The following MYO10 variants were observed in gnomAD, a reference collection of about 807,000 sequenced individuals.
MYO10 encodes the protein unconventional myosin-X.
MYO10 carries 133 observed loss-of-function variants against 257.3 expected under a neutral mutation model. That is an observed-to-expected ratio of 0.52 (90% CI 0.45 to 0.60). The LOEUF (loss-of-function observed/expected upper bound fraction) is 0.60, where lower values mean the gene tolerates loss of function less well. Among genes scored for constraint, MYO10 ranks in the 20% least tolerant of loss-of-function variants. The pLI is 0.00. For synonymous variants in MYO10, 1,104 were observed against 1,028.6 expected (o/e 1.07, Z -1.40); for missense variants, 2,399 against 2,635.7 (o/e 0.91, Z 1.97).
chr5:16,842,132 T>C (rs1349382521), intron 2 of MYO10, among the ~76,000 whole-genome samples: 2 of 152,178 alleles, frequency 1.3e-5, no homozygotes, highest in Admixed American at 1.3e-4. Context: ...GAACCCTTTA[T>C]ATGTATAAGC....
intron 1 of MYO10, among the ~76,000 whole-genome samples, chr5:16,922,818 C>A (rs1287379481): frequency 6.6e-6 from 1 of 152,082 alleles, no homozygotes; most frequent in Non-Finnish European, 1.5e-5. Context: ...ATAGCTTGGG[C>A]CCAGGAGTTC....
chr5:16,724,704 T>C (rs959213428), intron 19 of MYO10, among the ~76,000 whole-genome samples: 1 of 152,050 alleles, frequency 6.6e-6, no homozygotes, highest in African/African-American at 2.4e-5. Context: ...TACAGCCATC[T>C]CTTTTTCCCC....
At position 16,673,716 on chromosome 5, in the gene MYO10, T is replaced by C. The variant is rs768071979; in HGVS notation, c.5138A>G (p.Lys1713Arg). 6.2e-6 allele frequency: 10 copies of C among 1,613,816 alleles called. No individual in the cohort carries two copies. The highest frequency in any genetic ancestry group is 8.5e-6 in the Non-Finnish European group (10 of 1,179,880). Residue 1713 changes from lysine (K) to arginine (R), a missense_variant, in exon 36 of 41, where the codon AAG (lysine) becomes AGG (arginine). Around this residue, in one of 3 missense-constraint regions of MYO10, gnomAD observed 1,820 missense variants for 1,939.4 expected, o/e 0.94. Coordinates refer to ENST00000513610, the MANE Select transcript of MYO10 (RefSeq NM_012334.3). Reference protein sequence around the residue: ...TVYCHGGGSCKITINSHTTAG... With the variant: ...TVYCHGGGSCRITINSHTTAG... ...GGTGGTGTGGGAGTTGATGGTGATC[T>C]TGCAGGAGCCGCCGCCATGGCAATA...
intron 1 of MYO10, among the ~76,000 whole-genome samples, chr5:16,912,852 T>C (rs570626521): frequency 4.6e-5 from 4 of 86,254 alleles, no homozygotes; most frequent in African/African-American, 9.1e-5. Flanking sequence ...ACACACACCA[T>C]GGTACCTCCA....
At chr5:16,691,415 A>G (rs42566) in intron 27 of MYO10, among the ~76,000 whole-genome samples, 26,331 of 150,462 alleles carry the variant, frequency 0.18, 2,628 homozygotes, top group East Asian at 0.3. Flanking sequence ...AATCAAGATC[A>G]GGGCCGGGCG....
chr5:16,837,257 C>A (rs1429258161), intron 2 of MYO10, among the ~76,000 whole-genome samples: 1 of 152,078 alleles, frequency 6.6e-6, no homozygotes, highest in South Asian at 2.1e-4. Context: ...TTGCGGTGAG[C>A]CAAGATCACA....
At chr5:16,879,634 C>T (rs1744703369) in intron 1 of MYO10, among the ~76,000 whole-genome samples, 2 of 152,200 alleles carry the variant, frequency 1.3e-5, no homozygotes, top group Non-Finnish European at 2.9e-5. Flanking sequence ...AAATTCCTAA[C>T]CCCATGCTCT....
At chr5:16,761,852 T>C (rs1740722346) in intron 16 of MYO10, among the ~76,000 whole-genome samples, 193 bp downstream of exon 16, 1 of 151,968 alleles carries the variant, frequency 6.6e-6, no homozygotes, top group Admixed American at 6.6e-5. Context: ...TTTTTATATC[T>C]ATGTTGCCCA....
intron 19 of MYO10, among the ~76,000 whole-genome samples, chr5:16,726,142 G>A (rs1561211839): frequency 6.6e-6 from 1 of 152,148 alleles, no homozygotes; most frequent in East Asian, 1.9e-4. Context: ...CCCCTAGAGT[G>A]CAGTAGCACA....
At chr5:16,919,251 G>A (rs539469253) in intron 1 of MYO10, among the ~76,000 whole-genome samples, 14 of 152,090 alleles carry the variant, frequency 9.2e-5, no homozygotes, top group South Asian at 2.1e-4. Flanking sequence ...GGTGGCAGGC[G>A]CCTGTAATTC....
chr5:16,785,598 T>C (rs1741555199), intron 4 of MYO10, among the ~76,000 whole-genome samples: 1 of 152,198 alleles, frequency 6.6e-6, no homozygotes, highest in African/African-American at 2.4e-5. Context: ...GGCCGGGCAC[T>C]GTGGCTTGCG....
intron 1 of MYO10, among the ~76,000 whole-genome samples, chr5:16,909,920 G>A (rs951673829): frequency 5.3e-5 from 8 of 152,182 alleles, no homozygotes; most frequent in East Asian, 3.9e-4. Flanking sequence ...CTCTCTCACC[G>A]TGTGATCTGC....
rs760606957 is a variant in MYO10 at position 16,710,964 on chromosome 5, T to A, written c.2113A>T (p.Ser705Cys). The A allele has an allele frequency of 6.2e-7, 1 of 1,613,944 alleles. No homozygotes were observed. The highest frequency in any genetic ancestry group is 1.1e-5 in the South Asian group (1 of 91,062). The change falls in exon 21 of 41, where the codon AGC becomes TGC. Residue 705 changes from serine (S) to cysteine (C), a missense_variant. Around this residue, in one of 3 missense-constraint regions of MYO10, gnomAD observed 1,820 missense variants for 1,939.4 expected, o/e 0.94. Coordinates refer to ENST00000513610, the MANE Select transcript of MYO10 (RefSeq NM_012334.3). ...LPEDVRGKCT[S>C]LLQLYDASNS... Reference sequence around the variant, plus strand: ...GAGGCATCATAGAGCTGCAGCAGGCTCGTGCACTTCCCTCGGACGTCCTCA... The same window carrying A: ...GAGGCATCATAGAGCTGCAGCAGGCACGTGCACTTCCCTCGGACGTCCTCA...
At chr5:16,738,345 C>T (rs1739887336) in intron 19 of MYO10, 1 of 985,362 alleles carries the variant, frequency 1.0e-6, no homozygotes, top group Non-Finnish European at 1.2e-6. Context: ...CAGAGAGAAA[C>T]TGTGCTGGCT....
chr5:16,685,020 T>C (rs933030851), intron 29 of MYO10, among the ~76,000 whole-genome samples: 9 of 151,706 alleles, frequency 5.9e-5, no homozygotes, highest in African/African-American at 2.2e-4. Flanking sequence ...CACTTCAGCC[T>C]GGGTGACAGA....
At position 16,799,045 on chromosome 5, in the gene MYO10, T is replaced by G. The variant is rs73756278; in HGVS notation, c.280-4212A>C. On this transcript the variant is annotated intron_variant, in intron 3 of 40. Coordinates refer to ENST00000513610, the MANE Select transcript of MYO10 (RefSeq NM_012334.3). ...CCCATTCATGACACGTTTGTATGGT[T>G]GCTGTAAAATTCTAAGATGAGCCTT... is the stretch of plus-strand genomic sequence containing the variant. Among the ~76,000 whole-genome samples, 1,076 of 152,348 alleles carry G rather than the reference T, an allele frequency of 7.1e-3. 10 individuals are homozygous for G. The highest frequency in any genetic ancestry group is 0.025 in the African/African-American group (1,032 of 41,582).
At chr5:16,904,102 G>A (rs1476850621) in intron 1 of MYO10, among the ~76,000 whole-genome samples, 2 of 136,088 alleles carry the variant, frequency 1.5e-5, no homozygotes, top group African/African-American at 6.6e-5. Context: ...AGGTTGACCA[G>A]TAACCAGTGA....
At chr5:16,914,525 C>T (rs903613122) in intron 1 of MYO10, among the ~76,000 whole-genome samples, 5 of 152,200 alleles carry the variant, frequency 3.3e-5, no homozygotes, top group Admixed American at 3.3e-4. Flanking sequence ...ATTCTGCAGA[C>T]CTGTTCTTTC....
In MYO10 at chr5:16,867,298, G is replaced by A. The variant is rs925373786; in HGVS notation, c.120+10311C>T. 3.3e-5 allele frequency among the ~76,000 whole-genome samples: 5 copies of A among 152,112 alleles called. No homozygotes were observed. In the South Asian group the frequency reaches 8.3e-4, roughly 25 times the overall value. ...GGGGTCAGCTCCAAAGGACAGACCCGCCAGGCTGTCCCCTACTGACCATTT... is the reference window on the plus strand; with the variant it reads ...GGGGTCAGCTCCAAAGGACAGACCCACCAGGCTGTCCCCTACTGACCATTT... On this transcript the variant is annotated intron_variant, in intron 2 of 40. Transcript: ENST00000513610.
Sources: gnomAD v4.1 joint callset for allele counts (sites outside exome capture counted in the v4.1 genomes callset) on GRCh38, gnomAD v4.1.1 for gene constraint, gnomAD v4.1.1 regional missense constraint, MANE v1.5 for transcripts, NCBI Gene and HGNC (gene_info 2026-07-23, HGNC 2026-07-21) for gene names.